Variants in GABRB1 observed in about 807,000 individuals in gnomAD.
The protein encoded by GABRB1 is gamma-aminobutyric acid receptor subunit beta-1.
A neutral mutation model predicts 51.6 loss-of-function variants in GABRB1; 17 were observed. That is an observed-to-expected ratio of 0.33 (90% confidence interval 0.23 to 0.49). GABRB1 has a LOEUF of 0.49. Ranked by LOEUF, GABRB1 falls within the 20% of genes least tolerant of loss-of-function variation. The pLI is 0.99. For missense variants in GABRB1, 410 were observed against 600.6 expected, an observed-to-expected ratio of 0.68 and a Z score of 3.32; for synonymous variants, 247 against 218.9, an observed-to-expected ratio of 1.13 and a Z score of -1.14.
chr4:47,425,377 C>CCACACACACACACACACATA (rs1729233406), intron 8 of GABRB1, among the ~76,000 whole-genome samples: 1 of 138,332 alleles, frequency 7.2e-6, no homozygotes, highest in African/African-American at 2.7e-5. Context: ...AGAAGAAATA[C>CCACACACACACACACACATA]CACACACACA....
In GABRB1 at chr4:47,409,967, G is replaced by A. The variant is rs555132386; in HGVS notation, c.1080+3041G>A. ...GACTTCATGACTGGCTAATAAATAA[G>A]TAAAATGTTCCCATTTGACTGACCT... is the stretch of plus-strand genomic sequence containing the variant. On this transcript the variant is annotated intron_variant, in intron 8 of 8. Transcript: ENST00000295454. Among the ~76,000 whole-genome samples the A allele has an allele frequency of 1.4e-4, 22 of 152,266 alleles. No individual in the cohort carries two copies. The South Asian group carries it at 4.6e-3, about 32-fold the overall frequency.
chr4:47,029,193 A>T (rs1308750547), upstream of GABRB1, among the ~76,000 whole-genome samples: 1 of 151,944 alleles, frequency 6.6e-6, no homozygotes, highest in Non-Finnish European at 1.5e-5. Context: ...GTATATTCTG[A>T]GTGGTAGCAA....
At chr4:47,119,525 T>G (rs75617549) in intron 3 of GABRB1, among the ~76,000 whole-genome samples, 3 of 140,800 alleles carry the variant, frequency 2.1e-5, no homozygotes, top group Non-Finnish European at 3.1e-5. Flanking sequence ...TTTTTTTTTT[T>G]GAGACTGAGT....
In GABRB1 at chr4:47,406,918, A is replaced by G. The variant is rs377260679; in HGVS notation, c.1072A>G (p.Lys358Glu). ...ANEKNKLEMN[K>E]VQVDAHGNIL... The stretch of plus-strand genomic sequence containing the variant: ...TGAGAAGAATAAACTGGAGATGAAT[A>G]AAGTCCAGGTAAGATATTAAATATT... The change falls in exon 8 of 9, where the codon AAA becomes GAA. Residue 358 changes from lysine to glutamate, a missense_variant. Coordinates refer to ENST00000295454, the MANE Select transcript of GABRB1 (RefSeq NM_000812.4). 5.0e-6 allele frequency: 8 copies of G among 1,613,760 alleles called. No homozygotes were observed. Among genetic ancestry groups the G allele is most frequent in the Non-Finnish European group, 5.9e-6 (7 of 1,179,872 alleles).
intron 3 of GABRB1, among the ~76,000 whole-genome samples, chr4:47,145,250 CT>C (rs1353984309): frequency 6.6e-6 from 1 of 151,914 alleles, no homozygotes; most frequent in African/African-American, 2.4e-5. Flanking sequence ...TCTGGACTTC[CT>C]TTTTTGGACT....
chr4:47,368,798 A>G (rs1264448012), intron 5 of GABRB1, among the ~76,000 whole-genome samples: 1 of 151,490 alleles, frequency 6.6e-6, no homozygotes, highest in African/African-American at 2.4e-5. Context: ...GTCATACACT[A>G]CTGAAACTTT....
At chr4:47,357,467 C>T (rs1378479077) in intron 5 of GABRB1, among the ~76,000 whole-genome samples, 1 of 152,212 alleles carries the variant, frequency 6.6e-6, no homozygotes, top group Non-Finnish European at 1.5e-5. Flanking sequence ...CAGAGCCCAT[C>T]TCCCATCATC....
At chr4:47,057,506 G>A (rs183840153) in intron 3 of GABRB1, among the ~76,000 whole-genome samples, 5 of 152,216 alleles carry the variant, frequency 3.3e-5, no homozygotes, top group Admixed American at 3.3e-4. Flanking sequence ...TAGTGCTTAG[G>A]CTAAAGATGA....
At chr4:47,280,814 ATTTTTTTTTTTT>A (rs750413197) in intron 4 of GABRB1, among the ~76,000 whole-genome samples, 2 of 124,984 alleles carry the variant, frequency 1.6e-5, no homozygotes, top group Non-Finnish European at 3.4e-5. Flanking sequence ...TGTCTGGCTA[ATTTTTTTTTTTT>A]TTTTTTTTTT....
At chr4:47,169,744 C>T (rs772009581) in intron 4 of GABRB1, among the ~76,000 whole-genome samples, 61 of 152,084 alleles carry the variant, frequency 4.0e-4, no homozygotes, top group Non-Finnish European at 5.9e-4. Context: ...TCAGGTGATC[C>T]CCCCGCCTTG....
chr4:47,130,648 T>A (rs955572365), intron 3 of GABRB1, among the ~76,000 whole-genome samples: 1 of 152,160 alleles, frequency 6.6e-6, no homozygotes, highest in Non-Finnish European at 1.5e-5. Flanking sequence ...ATGACCCTTA[T>A]TACATTTGTA....
chr4:47,387,124 AATTTGCAG>A (rs1727824715), intron 5 of GABRB1, among the ~76,000 whole-genome samples: 1 of 152,126 alleles, frequency 6.6e-6, no homozygotes, highest in African/African-American at 2.4e-5. Context: ...ATGTTTTTCA[AATTTGCAG>A]ATAACATGAA....
At chr4:47,008,016 AT>A (rs1240549958) in intron 1 of GABRB1, among the ~76,000 whole-genome samples, 2 of 151,880 alleles carry the variant, frequency 1.3e-5, no homozygotes, top group Non-Finnish European at 2.9e-5. Context: ...AGGCACGACA[AT>A]TTGCCCTTAC....
At chr4:47,296,635 C>T (rs1275419652) in intron 4 of GABRB1, among the ~76,000 whole-genome samples, 5 of 152,184 alleles carry the variant, frequency 3.3e-5, no homozygotes, top group Non-Finnish European at 5.9e-5. Flanking sequence ...TACAAAGAGA[C>T]TTAGACTCCC....
At chr4:47,040,473 C>T (rs1725791443) in intron 3 of GABRB1, among the ~76,000 whole-genome samples, 1 of 152,062 alleles carries the variant, frequency 6.6e-6, no homozygotes, top group Admixed American at 6.6e-5. Flanking sequence ...GAAATGAGCC[C>T]TGCATCCCCA....
chr4:47,416,951 T>G (rs1047564250), intron 8 of GABRB1, among the ~76,000 whole-genome samples: 36 of 152,110 alleles, frequency 2.4e-4, no homozygotes, highest in African/African-American at 8.0e-4. Context: ...TCATAAAAAT[T>G]TTTTAAAAAA....
intron 4 of GABRB1, among the ~76,000 whole-genome samples, chr4:47,193,776 G>T (rs1333425247): frequency 2.0e-5 from 3 of 152,144 alleles, no homozygotes; most frequent in Non-Finnish European, 4.4e-5. Context: ...ACAAATATTT[G>T]TGTAATGGAT....
At chr4:47,152,336 A>C (rs1193608717) in intron 3 of GABRB1, among the ~76,000 whole-genome samples, 1 of 152,080 alleles carries the variant, frequency 6.6e-6, no homozygotes, top group South Asian at 2.1e-4. Flanking sequence ...TCCACTGTAC[A>C]CTATGCCAGG....
At chr4:47,189,564 A>G (rs1719342101) in intron 4 of GABRB1, among the ~76,000 whole-genome samples, 1 of 151,754 alleles carries the variant, frequency 6.6e-6, no homozygotes, top group Non-Finnish European at 1.5e-5. Flanking sequence ...AGGGTATCGG[A>G]TAGTTTCTTA....
Sources: gnomAD v4.1 joint callset for allele counts (sites outside exome capture counted in the v4.1 genomes callset) on GRCh38, gnomAD v4.1.1 for gene constraint, MANE v1.5 for transcripts, NCBI Gene and HGNC (gene_info 2026-07-23, HGNC 2026-07-21) for gene names.